Variants in KCNT2 observed in about 807,000 individuals in gnomAD.
The protein encoded by KCNT2 is potassium sodium-activated channel subfamily T member 2.
KCNT2 carries 67 observed loss-of-function variants against 153.8 expected under a neutral mutation model. That is an observed-to-expected ratio of 0.44 (90% CI 0.36 to 0.53). KCNT2 has a LOEUF of 0.53. Ranked by LOEUF, KCNT2 falls within the 20% of genes least tolerant of loss-of-function variation. The probability of loss-of-function intolerance (pLI) is 0.00; values close to 1 mark genes in which losing one functional copy is unlikely to be tolerated. For missense variants in KCNT2, 975 were observed against 1,354.8 expected (o/e 0.72, Z 4.40); for synonymous variants, 500 against 458.8 (o/e 1.09, Z -1.15).
At chr1:196,605,685 G>A (rs1180240071) in intron 1 of KCNT2, among the ~76,000 whole-genome samples, 1 of 152,172 alleles carries the variant, frequency 6.6e-6, no homozygotes, top group Non-Finnish European at 1.5e-5. Flanking sequence ...TGAGTAGAAT[G>A]AGATTGCTAT....
At chr1:196,353,536 G>T (rs1433707905) in intron 14 of KCNT2, among the ~76,000 whole-genome samples, 1 of 151,812 alleles carries the variant, frequency 6.6e-6, no homozygotes, top group Admixed American at 6.6e-5. Flanking sequence ...GTTCCCTTCT[G>T]TTTATTGTTT....
chr1:196,494,101 C>G (rs1188242336), intron 1 of KCNT2, among the ~76,000 whole-genome samples: 1 of 152,202 alleles, frequency 6.6e-6, no homozygotes, highest in Non-Finnish European at 1.5e-5. Context: ...CATGCACACA[C>G]ATACAGAAAC....
At position 196,462,345 on chromosome 1, in the gene KCNT2, G is replaced by A. The variant is rs534944895; in HGVS notation, c.638+2948C>T. ...AAAGCATTAAATGTACCAAGAGAGC[G>A]ATGCTACCATTATCTTTAACTTGGT... On this transcript the variant is annotated intron_variant, in intron 8 of 27. Coordinates refer to ENST00000294725, the MANE Select transcript of KCNT2 (RefSeq NM_198503.5). 7.9e-5 allele frequency among the ~76,000 whole-genome samples: 12 copies of A among 151,720 alleles called. No individual in the cohort carries two copies. In the South Asian group the frequency reaches 1.2e-3, roughly 16 times the overall value.
chr1:196,337,798 T>C (rs1008859131), intron 16 of KCNT2, among the ~76,000 whole-genome samples: 2 of 152,126 alleles, frequency 1.3e-5, no homozygotes, highest in African/African-American at 2.4e-5. Context: ...ACTAGCTCTG[T>C]TTTCTTCTTT....
intron 22 of KCNT2, among the ~76,000 whole-genome samples, chr1:196,304,131 A>G (rs1290005877): frequency 6.6e-6 from 1 of 152,148 alleles, no homozygotes; most frequent in Non-Finnish European, 1.5e-5. Context: ...GCCATAAAAA[A>G]GCAGGGTAAG....
intron 1 of KCNT2, among the ~76,000 whole-genome samples, chr1:196,530,682 T>C (rs902231754): frequency 6.6e-6 from 1 of 152,122 alleles, no homozygotes; most frequent in African/African-American, 2.4e-5. Flanking sequence ...CATTTTCTTA[T>C]ACTGATCACA....
rs189390760 is a variant in KCNT2 at position 196,236,410 on chromosome 1, T to C, written c.3212-340A>G. Among the ~76,000 whole-genome samples the C allele has an allele frequency of 1.1e-3, 160 of 151,530 alleles. 1 individual carries two copies. The highest frequency in any genetic ancestry group is 1.1e-3 in the Non-Finnish European group (77 of 67,536). On this transcript the variant is annotated intron_variant, in intron 26 of 27. Coordinates refer to ENST00000294725, the MANE Select transcript of KCNT2 (RefSeq NM_198503.5). ...TTACTTGATTATTATGCTTTATCAA[T>C]TACAAAAAATAATCATGGTTATAGA... is the stretch of plus-strand genomic sequence containing the variant.
chr1:196,570,058 G>C lies in KCNT2; in HGVS notation c.95+38157C>G, dbSNP rs1430220618. ...AAAGCCTCCTGAGTCCAGGAAGCTT[G>C]AGCTAGAGTAAAAAAAAAAAAAAAA... On this transcript the variant is annotated intron_variant, in intron 1 of 27. Coordinates refer to ENST00000294725, the MANE Select transcript of KCNT2 (RefSeq NM_198503.5). 3.2e-5 allele frequency among the ~76,000 whole-genome samples: 4 copies of C among 123,964 alleles called. No individual in the cohort carries two copies. In the East Asian group the frequency reaches 8.5e-4, roughly 26 times the overall value. The allele number at this position is 123,964 out of a possible 152,430, so 81.3% of individuals were successfully genotyped here.
At chr1:196,257,926 C>A (rs1656657234) in intron 26 of KCNT2, 12 of 960,546 alleles carry the variant, frequency 1.2e-5, no homozygotes, top group Non-Finnish European at 1.5e-5. Flanking sequence ...GGGTCTGGCT[C>A]AGAGTTTTTG....
intron 1 of KCNT2, among the ~76,000 whole-genome samples, chr1:196,507,358 G>A (rs1307033821): frequency 2.0e-5 from 3 of 152,136 alleles, no homozygotes; most frequent in African/African-American, 7.2e-5. Flanking sequence ...GCTGGACGTG[G>A]CTTTCTATTT....
At chr1:196,237,707 G>C (rs1654567951) in intron 26 of KCNT2, among the ~76,000 whole-genome samples, 2 of 151,610 alleles carry the variant, frequency 1.3e-5, no homozygotes, top group African/African-American at 2.4e-5. Context: ...TATCTTTGTT[G>C]TTTATCAGAA....
intron 1 of KCNT2, among the ~76,000 whole-genome samples, chr1:196,547,443 T>C (rs983824185): frequency 1.3e-5 from 2 of 152,042 alleles, no homozygotes; most frequent in Non-Finnish European, 2.9e-5. Flanking sequence ...AGTTGAAACA[T>C]TTAATTTCAC....
At chr1:196,514,242 G>C (rs1681873030) in intron 1 of KCNT2, among the ~76,000 whole-genome samples, 1 of 152,084 alleles carries the variant, frequency 6.6e-6, no homozygotes, top group South Asian at 2.1e-4. Context: ...AATGAATTTT[G>C]CTATATAAAA....
At chr1:196,371,252 C>T (rs1273817041) in intron 14 of KCNT2, among the ~76,000 whole-genome samples, 1 of 129,868 alleles carries the variant, frequency 7.7e-6, no homozygotes, top group East Asian at 2.1e-4. Context: ...AAAAAAAAGC[C>T]TGGCATGGTG....
intron 1 of KCNT2, among the ~76,000 whole-genome samples, chr1:196,541,303 A>G (rs1201500616): frequency 6.6e-6 from 1 of 152,102 alleles, no homozygotes; most frequent in Non-Finnish European, 1.5e-5. Flanking sequence ...ATTACATTAT[A>G]TAACCCAACA....
chr1:196,433,417 T>C (rs986510260), intron 8 of KCNT2, among the ~76,000 whole-genome samples: 2 of 152,086 alleles, frequency 1.3e-5, no homozygotes, highest in African/African-American at 4.8e-5. Flanking sequence ...ATATGAAATA[T>C]CCAGAGAAGA....
intron 27 of KCNT2, among the ~76,000 whole-genome samples, chr1:196,231,464 G>A (rs1474616963): frequency 6.6e-6 from 1 of 151,596 alleles, no homozygotes; most frequent in Non-Finnish European, 1.5e-5. Context: ...CATGACTCCT[G>A]TCCGGCAGAA....
At chr1:196,462,968 G>A (rs1429666716) in intron 8 of KCNT2, among the ~76,000 whole-genome samples, 2 of 151,678 alleles carry the variant, frequency 1.3e-5, no homozygotes, top group Non-Finnish European at 3.0e-5. Context: ...CTAGCCTAAA[G>A]TACAACTTGT....
chr1:196,227,568 T>C lies in KCNT2; in HGVS notation c.*656A>G, dbSNP rs78286693. 566 of 152,476 alleles carry C rather than the reference T, an allele frequency of 3.7e-3. 13 individuals are homozygous for C. Among genetic ancestry groups the C allele is most frequent in the East Asian group, 0.03 (156 of 5,188 alleles). 9.4% of individuals were successfully genotyped at this position (152,476 alleles called of 1,614,324 possible). A position where few individuals can be genotyped will look rare whatever the true frequency, so the allele number is the denominator to read the frequency against. ...GTTACCAAAAAGTGCAGGAACCTAG[T>C]GTTTCTTTTCATTTATGTTTTAGTT... is the stretch of plus-strand genomic sequence containing the variant. On this transcript the variant is annotated 3_prime_UTR_variant, in exon 28 of 28. Transcript: ENST00000294725.
Sources: allele counts gnomAD v4.1 joint callset (sites outside exome capture counted in the v4.1 genomes callset), GRCh38; gene constraint gnomAD v4.1.1; transcripts MANE v1.5; gene names NCBI Gene and HGNC (gene_info 2026-07-23, HGNC 2026-07-21).